Variants in DLG2 observed in about 807,000 individuals in gnomAD.
The protein encoded by DLG2 is discs large MAGUK scaffold protein 2.
Under a neutral mutation model 132.5 loss-of-function variants are expected in DLG2, and 45 were observed. The observed-to-expected ratio is 0.34, with a 90% CI of 0.27 to 0.44. The LOEUF is 0.44. DLG2 is among the 20% of genes least tolerant of loss of function. The pLI is 1.00. For missense variants in DLG2, 1,045 were observed against 1,196.9 expected (o/e 0.87, Z 1.87); for synonymous variants, 424 against 419.6 (o/e 1.01, Z -0.13).
At chr11:83,712,018 T>C (rs903843115) in intron 18 of DLG2, among the ~76,000 whole-genome samples, 7 of 152,046 alleles carry the variant, frequency 4.6e-5, no homozygotes, top group African/African-American at 1.2e-4. Context: ...AAACCGGATC[T>C]TGGTGAGGTT....
At chr11:85,146,533 G>C (rs145099771) in intron 5 of DLG2, among the ~76,000 whole-genome samples, 176 of 152,200 alleles carry the variant, frequency 1.2e-3, no homozygotes, top group African/African-American at 4.1e-3. Flanking sequence ...CCATCCAGGA[G>C]CTAGGACCTG....
rs1175753891 is a variant in DLG2 at position 84,163,871 on chromosome 11, TTA to T, written c.574-362_574-361del. Among the ~76,000 whole-genome samples, 4 of 152,304 alleles carry T rather than the reference TTA, an allele frequency of 2.6e-5. No individual in the cohort carries two copies. In the South Asian group the frequency reaches 8.3e-4, roughly 32 times the overall value. On this transcript the variant is annotated intron_variant, in intron 8 of 27. Coordinates refer to ENST00000376104, the MANE Select transcript of DLG2 (RefSeq NM_001142699.3). Reference sequence around the variant, plus strand: ...TAATTTTCTTGTTTTTTAAAAAATGTTATGTTTGAACACTAAAATATGACCTT... The same window carrying T: ...TAATTTTCTTGTTTTTTAAAAAATGTTGTTTGAACACTAAAATATGACCTT...
chr11:85,498,611 A>C (rs946727888), intron 3 of DLG2, among the ~76,000 whole-genome samples: 1 of 152,156 alleles, frequency 6.6e-6, no homozygotes, highest in Non-Finnish European at 1.5e-5. Flanking sequence ...CCCCACCCCA[A>C]ATCAACAGAA....
chr11:84,746,374 T>G (rs1257966499), intron 6 of DLG2, among the ~76,000 whole-genome samples: 2 of 152,138 alleles, frequency 1.3e-5, no homozygotes, highest in African/African-American at 2.4e-5. Flanking sequence ...CTGTATTATT[T>G]TACATTTGAA....
chr11:84,612,091 C>T lies in DLG2; in HGVS notation c.358-77360G>A, dbSNP rs961585627. Reference sequence around the variant, plus strand: ...CAAAAGTTTCCTTTGTACTCTTTCCCTTTACAACTTTTCTCATCCTCAAGC... The same window carrying T: ...CAAAAGTTTCCTTTGTACTCTTTCCTTTTACAACTTTTCTCATCCTCAAGC... On this transcript the variant is annotated intron_variant, in intron 6 of 27. Transcript: ENST00000376104. Among the ~76,000 whole-genome samples, 7 of 152,102 alleles carry T rather than the reference C, an allele frequency of 4.6e-5. No homozygotes were observed. In the South Asian group the frequency reaches 1.2e-3, roughly 27 times the overall value.
chr11:84,256,222 A>C (rs1463915255), intron 7 of DLG2, among the ~76,000 whole-genome samples: 1 of 152,204 alleles, frequency 6.6e-6, no homozygotes, highest in Non-Finnish European at 1.5e-5. Context: ...ATTCTGACTA[A>C]TGTGGTTACC....
At chr11:83,790,839 G>A (rs2041338523) in intron 17 of DLG2, 2 of 749,734 alleles carry the variant, frequency 2.7e-6, no homozygotes, top group Admixed American at 1.9e-5. Context: ...GACTTCCATG[G>A]TAGAAGAACT....
At chr11:84,461,021 G>A (rs2099078849) in intron 7 of DLG2, among the ~76,000 whole-genome samples, 1 of 150,616 alleles carries the variant, frequency 6.6e-6, no homozygotes. Context: ...ACATGAAATG[G>A]CCCCTGAAAA....
rs1681211338 is a variant in DLG2, at chr11:84,049,934, A to G, written c.919+9381T>C. Among the ~76,000 whole-genome samples, 2 of 151,730 alleles carry G rather than the reference A, an allele frequency of 1.3e-5. 1 individual carries two copies. The highest frequency in any genetic ancestry group is 4.1e-4 in the South Asian group (2 of 4,826). Reference sequence around the variant, plus strand: ...CAGATAGTGGTCACAATAGTAAGAGAAGACATTCAAAGTTGGGAATGAAAT... The same window carrying G: ...CAGATAGTGGTCACAATAGTAAGAGGAGACATTCAAAGTTGGGAATGAAAT... On this transcript the variant is annotated intron_variant, in intron 11 of 27. Coordinates refer to ENST00000376104, the MANE Select transcript of DLG2 (RefSeq NM_001142699.3).
At chr11:84,834,471 T>C (rs1372180827) in intron 6 of DLG2, among the ~76,000 whole-genome samples, 1 of 151,568 alleles carries the variant, frequency 6.6e-6, no homozygotes, top group Admixed American at 6.6e-5. Flanking sequence ...GAACAACCTC[T>C]GCAAATCCCT....
intron 18 of DLG2, among the ~76,000 whole-genome samples, chr11:83,656,905 A>G (rs1333986382): frequency 6.6e-6 from 1 of 152,056 alleles, no homozygotes; most frequent in Non-Finnish European, 1.5e-5. Context: ...ACCCCCACCA[A>G]GAGGTGGAAC....
At chr11:84,943,846 T>A (rs1056507971) in intron 6 of DLG2, among the ~76,000 whole-genome samples, 4 of 152,202 alleles carry the variant, frequency 2.6e-5, no homozygotes, top group Non-Finnish European at 4.4e-5. Flanking sequence ...GTTTTGTACC[T>A]TCAGATGATT....
At chr11:84,877,314 G>C (rs78355734) in intron 6 of DLG2, among the ~76,000 whole-genome samples, 40 of 152,020 alleles carry the variant, frequency 2.6e-4, no homozygotes, top group African/African-American at 8.9e-4. Flanking sequence ...TATTGTGTGG[G>C]AGTGTAAGCC....
intron 6 of DLG2, among the ~76,000 whole-genome samples, chr11:84,627,551 A>G (rs1306897567): frequency 6.6e-6 from 1 of 152,276 alleles, no homozygotes; most frequent in Non-Finnish European, 1.5e-5. Flanking sequence ...ACCCAAAAGT[A>G]GAAGCACAGG....
chr11:85,465,947 C>G (rs1485208930), intron 3 of DLG2, among the ~76,000 whole-genome samples: 1 of 152,044 alleles, frequency 6.6e-6, no homozygotes, highest in Non-Finnish European at 1.5e-5. Flanking sequence ...TCCCATTTCT[C>G]CACATCCTCT....
chr11:85,092,458 T>C (rs1268991049), intron 6 of DLG2, among the ~76,000 whole-genome samples: 1 of 152,158 alleles, frequency 6.6e-6, no homozygotes, highest in African/African-American at 2.4e-5. Context: ...TTTACATTTT[T>C]AAAAGTGGAT....
At chr11:84,201,773 T>C (rs989699227) in intron 8 of DLG2, among the ~76,000 whole-genome samples, 2 of 151,064 alleles carry the variant, frequency 1.3e-5, no homozygotes, top group Non-Finnish European at 3.0e-5. Flanking sequence ...TAAGCTACCA[T>C]TGACATTCTT....
At chr11:84,802,269 G>A (rs972392450) in intron 6 of DLG2, among the ~76,000 whole-genome samples, 1 of 151,996 alleles carries the variant, frequency 6.6e-6, no homozygotes, top group African/African-American at 2.4e-5. Context: ...ATAGGAAATA[G>A]GAATAATAGG....
At chr11:84,777,543 T>C (rs1020583959) in intron 6 of DLG2, among the ~76,000 whole-genome samples, 5 of 151,576 alleles carry the variant, frequency 3.3e-5, no homozygotes, top group African/African-American at 1.2e-4. Context: ...TCCATAGAGG[T>C]TGGACTAATT....
Sources: allele counts gnomAD v4.1 joint callset (sites outside exome capture counted in the v4.1 genomes callset), GRCh38; gene constraint gnomAD v4.1.1; transcripts MANE v1.5; gene names NCBI Gene and HGNC (gene_info 2026-07-23, HGNC 2026-07-21).